Variants in GCNT1 observed in about 807,000 individuals in gnomAD.
GCNT1 encodes the protein beta-1,3-galactosyl-O-glycosyl-glycoprotein beta-1,6-N-acetylglucosaminyltransferase.
In GCNT1, 16 loss-of-function variants were observed where a neutral mutation model predicts 26.2. The observed-to-expected ratio is 0.61, with a 90% confidence interval of 0.41 to 0.93. GCNT1 has a LOEUF of 0.93. GCNT1 is among the 40% of genes least tolerant of loss of function. The probability of loss-of-function intolerance (pLI) is 0.00; values close to 1 mark genes in which losing one functional copy is unlikely to be tolerated. For missense variants in GCNT1, 477 were observed against 526.7 expected, an observed-to-expected ratio of 0.91 and a Z score of 0.92; for synonymous variants, 183 against 190.8, an observed-to-expected ratio of 0.96 and a Z score of 0.34.
chr9:76,397,253 G>A, the GCNT1 span, among the ~76,000 whole-genome samples: 2 of 151,816 alleles, frequency 1.3e-5, no homozygotes, highest in African/African-American at 4.8e-5. Context: ...TTGTACTCCA[G>A]CCTGAGTGAC....
chr9:76,398,870 C>T, the GCNT1 span: 6 of 1,514,566 alleles, frequency 4.0e-6, no homozygotes, highest in Non-Finnish European at 2.7e-6. Context: ...CTGGGAGAAG[C>T]TTCTGCTGGC....
At chr9:76,403,587 T>C in the GCNT1 span, among the ~76,000 whole-genome samples, 3 of 152,240 alleles carry the variant, frequency 2.0e-5, no homozygotes. Flanking sequence ...CATCAGGCCC[T>C]GTGCTAGACA....
In GCNT1 at chr9:76,489,902, A is replaced by G. The variant is rs532266938; in HGVS notation, c.-289-11014A>G. On this transcript the variant is annotated intron_variant, in intron 2 of 3. Transcript: ENST00000376730. The stretch of plus-strand genomic sequence containing the variant: ...AGTCAAAAGGCCAGTGGGTCAGTCC[A>G]GGGGTCCTCAGTAGAAGTTGTTAGT... Among the ~76,000 whole-genome samples the G allele has an allele frequency of 1.3e-4, 20 of 152,352 alleles. No homozygotes were observed. In the East Asian group the frequency reaches 3.7e-3, roughly 28 times the overall value.
chr9:76,411,075 T>A, the GCNT1 span, among the ~76,000 whole-genome samples: 1 of 152,244 alleles, frequency 6.6e-6, no homozygotes, highest in Admixed American at 6.5e-5. Flanking sequence ...AATCTATATA[T>A]GTCTTTACAT....
At chr9:76,451,753 C>T (rs1823666890) in intron 1 of GCNT1, among the ~76,000 whole-genome samples, 1 of 152,008 alleles carries the variant, frequency 6.6e-6, no homozygotes, top group African/African-American at 2.4e-5. Context: ...GTTTAAAGTA[C>T]CAGTCTATGG....
rs772712781 is a variant in GCNT1, at chr9:76,502,352, C to G, written c.-30C>G. Reference sequence around the variant, plus strand: ...GCTTGGAGCATAGAAGACTGCCCTTCACAAAGGAAATCCCTGATTATTGTT... The same window carrying G: ...GCTTGGAGCATAGAAGACTGCCCTTGACAAAGGAAATCCCTGATTATTGTT... On this transcript the variant is annotated 5_prime_UTR_variant, in exon 4 of 4. It introduces an in-frame stop codon into an upstream open reading frame of the 5' UTR. Coordinates refer to ENST00000376730, the MANE Select transcript of GCNT1 (RefSeq NM_001490.5). 2 of 1,536,922 alleles carry G rather than the reference C, an allele frequency of 1.3e-6. No individual in the cohort carries two copies. The highest frequency in any genetic ancestry group is 1.8e-6 in the Non-Finnish European group (2 of 1,117,532).
chr9:76,490,463 A>G (rs1275721698), intron 2 of GCNT1, among the ~76,000 whole-genome samples: 3 of 152,210 alleles, frequency 2.0e-5, no homozygotes, highest in Admixed American at 6.5e-5. Flanking sequence ...TATTAGTTGT[A>G]TGGCCCTGTG....
chr9:76,483,399 AG>A (rs967844705), intron 2 of GCNT1, among the ~76,000 whole-genome samples: 15 of 132,142 alleles, frequency 1.1e-4, no homozygotes, highest in African/African-American at 1.6e-4. Flanking sequence ...ACTATTAAGG[AG>A]GGGTTTTTTT....
chr9:76,470,477 C>T (rs182433808), intron 2 of GCNT1, among the ~76,000 whole-genome samples: 3 of 151,594 alleles, frequency 2.0e-5, no homozygotes, highest in Non-Finnish European at 4.4e-5. Flanking sequence ...TGGTGGTGTG[C>T]GTCTGTAGTC....
At chr9:76,401,578 C>T in the GCNT1 span, among the ~76,000 whole-genome samples, 3 of 152,118 alleles carry the variant, frequency 2.0e-5, no homozygotes, top group Non-Finnish European at 1.5e-5. Flanking sequence ...ACCCCTAATG[C>T]GTTGTTAGAA....
At chr9:76,418,786 T>C (rs1057236439), upstream of GCNT1, among the ~76,000 whole-genome samples, 3 of 152,190 alleles carry the variant, frequency 2.0e-5, no homozygotes, top group African/African-American at 7.2e-5. Context: ...TAAGTTATTC[T>C]CTTTAGAATT....
the GCNT1 span, among the ~76,000 whole-genome samples, chr9:76,411,305 GT>G: frequency 1.3e-5 from 2 of 151,356 alleles, no homozygotes; most frequent in East Asian, 1.9e-4. Context: ...CATTTTGGGG[GT>G]TTTTTTTGTT....
At chr9:76,467,225 G>A (rs1824018553) in intron 2 of GCNT1, among the ~76,000 whole-genome samples, 1 of 152,278 alleles carries the variant, frequency 6.6e-6, no homozygotes, top group South Asian at 2.1e-4. Context: ...TGTATTTTTA[G>A]TAGAGATGGG....
chr9:76,467,815 G>A (rs1000648717), intron 2 of GCNT1, among the ~76,000 whole-genome samples: 1 of 151,844 alleles, frequency 6.6e-6, no homozygotes, highest in Admixed American at 6.6e-5. Context: ...TCCTTTGGGG[G>A]TGTTGAAAGG....
the GCNT1 span, among the ~76,000 whole-genome samples, chr9:76,401,660 T>A: frequency 6.6e-6 from 1 of 152,212 alleles, no homozygotes; most frequent in Non-Finnish European, 1.5e-5. Context: ...ATATTTTATA[T>A]GTATATGGGA....
chr9:76,493,445 A>G (rs1424038549), intron 2 of GCNT1, among the ~76,000 whole-genome samples: 2 of 152,198 alleles, frequency 1.3e-5, no homozygotes. Flanking sequence ...TAGACCCTGC[A>G]GGACATCTAT....
At chr9:76,409,852 G>A in the GCNT1 span, among the ~76,000 whole-genome samples, 1 of 151,786 alleles carries the variant, frequency 6.6e-6, no homozygotes, top group Non-Finnish European at 1.5e-5. Context: ...AAGCTTAGAT[G>A]ACTGATTTTA....
intron 2 of GCNT1, among the ~76,000 whole-genome samples, chr9:76,496,674 T>G (rs1187181808): frequency 2.0e-5 from 3 of 152,220 alleles, no homozygotes; most frequent in Non-Finnish European, 2.9e-5. Flanking sequence ...CTAGCTTTCC[T>G]TCTTATTGAC....
At chr9:76,440,097 G>A (rs7847904), upstream of GCNT1, among the ~76,000 whole-genome samples, 1 of 147,068 alleles carries the variant, frequency 6.8e-6, no homozygotes, top group African/African-American at 2.5e-5. Context: ...AAATTCCGTC[G>A]CAAAAATAAA....
Sources: allele counts gnomAD v4.1 joint callset (sites outside exome capture counted in the v4.1 genomes callset), GRCh38; gene constraint gnomAD v4.1.1; transcripts MANE v1.5; gene names NCBI Gene and HGNC (gene_info 2026-07-23, HGNC 2026-07-21).